The following SGK1 variants were observed in gnomAD, a reference collection of about 807,000 sequenced individuals.
SGK1 encodes the protein serine/threonine-protein kinase Sgk1.
Under a neutral mutation model 64.2 loss-of-function variants are expected in SGK1, and 26 were observed. That is an observed-to-expected ratio of 0.40 (90% CI 0.30 to 0.56). SGK1 has a LOEUF of 0.56. Among genes scored for constraint, SGK1 ranks in the 20% least tolerant of loss-of-function variants. SGK1 has a pLI of 0.38. For missense variants in SGK1, 519 were observed against 645.6 expected (o/e 0.80, Z 2.12); for synonymous variants, 265 against 239.7 (o/e 1.11, Z -0.98).
chr6:134,234,796 A>G (rs2114718061), intron 2 of SGK1, among the ~76,000 whole-genome samples: 1 of 152,342 alleles, frequency 6.6e-6, no homozygotes, highest in Admixed American at 6.5e-5. Flanking sequence ...GAATGGCTTG[A>G]ACCTGGGAGG....
At chr6:134,192,246 TG>T (rs988675927) in intron 3 of SGK1, among the ~76,000 whole-genome samples, 1 of 151,818 alleles carries the variant, frequency 6.6e-6, no homozygotes, top group African/African-American at 2.4e-5. Context: ...ATTACAGGCG[TG>T]GGTCACCATG....
intron 3 of SGK1, among the ~76,000 whole-genome samples, chr6:134,189,242 A>G (rs565097953): frequency 2.0e-5 from 3 of 146,998 alleles, no homozygotes; most frequent in Admixed American, 6.7e-5. Flanking sequence ...GTGCGTGTGC[A>G]TGTGTGTATA....
chr6:134,240,007 G>C (rs147366499), intron 2 of SGK1, among the ~76,000 whole-genome samples: 1 of 152,108 alleles, frequency 6.6e-6, no homozygotes, highest in Non-Finnish European at 1.5e-5. Context: ...GGAGGGAACT[G>C]CAGGCCAGGC....
intron 1 of SGK1, among the ~76,000 whole-genome samples, chr6:134,286,992 CTT>C (rs1045222827): frequency 1.3e-5 from 2 of 151,716 alleles, no homozygotes; most frequent in African/African-American, 4.8e-5. Context: ...TTGGAGAAGT[CTT>C]TTTTTGTTTT....
intron 3 of SGK1, among the ~76,000 whole-genome samples, chr6:134,178,301 G>T (rs879369805): frequency 3.3e-5 from 5 of 152,154 alleles, no homozygotes; most frequent in Non-Finnish European, 7.3e-5. Flanking sequence ...AAGTTGTTGA[G>T]ACTGGCTTTT....
intron 3 of SGK1, chr6:134,175,805 G>T: frequency 7.8e-7 from 1 of 1,288,436 alleles, no homozygotes; most frequent in Non-Finnish European, 9.8e-7. Context: ...GCACGGTCGG[G>T]TCGCTTCCGA....
At chr6:134,228,947 C>T (rs1340038781) in intron 2 of SGK1, among the ~76,000 whole-genome samples, 2 of 151,878 alleles carry the variant, frequency 1.3e-5, no homozygotes, top group African/African-American at 2.4e-5. Flanking sequence ...GGGTTCACGC[C>T]ATTCTCCTGC....
intron 2 of SGK1, among the ~76,000 whole-genome samples, chr6:134,252,325 G>T (rs1469595252): frequency 6.6e-6 from 1 of 152,142 alleles, no homozygotes; most frequent in Non-Finnish European, 1.5e-5. Flanking sequence ...TAGCTTCCTG[G>T]TTATCAGGCT....
intron 2 of SGK1, among the ~76,000 whole-genome samples, chr6:134,218,391 A>G (rs148527776): frequency 6.6e-6 from 1 of 152,024 alleles, no homozygotes; most frequent in African/African-American, 2.4e-5. Flanking sequence ...GAACAGACAG[A>G]CAGATCTTGC....
chr6:134,247,046 C>T (rs1233176601), intron 2 of SGK1, among the ~76,000 whole-genome samples: 3 of 151,754 alleles, frequency 2.0e-5, no homozygotes, highest in Admixed American at 2.0e-4. Flanking sequence ...AAGTAATATG[C>T]CCAGAGACAT....
At chr6:134,295,777 C>G (rs1777339483) in intron 1 of SGK1, among the ~76,000 whole-genome samples, 1 of 151,328 alleles carries the variant, frequency 6.6e-6, no homozygotes, top group Non-Finnish European at 1.5e-5. Context: ...AGGCCAGGAG[C>G]AGGACAGTAG....
chr6:134,272,572 C>G (rs1776956767), intron 1 of SGK1, among the ~76,000 whole-genome samples: 1 of 147,212 alleles, frequency 6.8e-6, no homozygotes. Context: ...AGACTGCAAG[C>G]AAAACATCCT....
intron 2 of SGK1, among the ~76,000 whole-genome samples, chr6:134,223,736 C>T (rs1044917714): frequency 6.6e-6 from 1 of 152,354 alleles, no homozygotes; most frequent in South Asian, 2.1e-4. Flanking sequence ...TCCATTAACA[C>T]TTTAGCCATA....
At position 134,220,852 on chromosome 6, in the gene SGK1, C is replaced by T. The variant is rs529985926; in HGVS notation, c.286-13421G>A. Among the ~76,000 whole-genome samples the T allele has an allele frequency of 1.7e-4, 26 of 151,762 alleles. No homozygotes were observed. In the South Asian group the frequency reaches 5.4e-3, roughly 32 times the overall value. ...CAAAAATTAGTCAGGCATGGTGGCC[C>T]ACGCCTGTAGTTTCGGCTACTCTGG... On this transcript the variant is annotated intron_variant, in intron 2 of 13. Transcript: ENST00000367858.
At chr6:134,300,913 C>T (rs1405280619) in intron 1 of SGK1, among the ~76,000 whole-genome samples, 1 of 151,952 alleles carries the variant, frequency 6.6e-6, no homozygotes, top group African/African-American at 2.4e-5. Flanking sequence ...GGATTACAGG[C>T]GTGAGCCACC....
intron 1 of SGK1, chr6:134,298,166 T>G: frequency 7.4e-7 from 1 of 1,344,546 alleles, no homozygotes; most frequent in Non-Finnish European, 1.1e-6. Context: ...CTCTGTAAGC[T>G]TATTGATCTC....
chr6:134,264,183 G>A (rs779330399), intron 1 of SGK1, among the ~76,000 whole-genome samples: 20 of 150,544 alleles, frequency 1.3e-4, no homozygotes, highest in Admixed American at 1.3e-4. Context: ...ACAGTGGCGC[G>A]ATCTCAGCTC....
At chr6:134,180,846 G>A (rs757752138) in intron 3 of SGK1, among the ~76,000 whole-genome samples, 3 of 149,332 alleles carry the variant, frequency 2.0e-5, no homozygotes, top group African/African-American at 5.0e-5. Context: ...CACTCTCGCC[G>A]GGGCAACAAA....
At chr6:134,214,329 G>A (rs186253730) in intron 2 of SGK1, among the ~76,000 whole-genome samples, 36 of 152,184 alleles carry the variant, frequency 2.4e-4, no homozygotes, top group Admixed American at 1.9e-3. Context: ...TAAGGCTCAC[G>A]CCTGTAATCT....
Sources: allele counts gnomAD v4.1 joint callset (sites outside exome capture counted in the v4.1 genomes callset), GRCh38; gene constraint gnomAD v4.1.1; transcripts MANE v1.5; gene names NCBI Gene and HGNC (gene_info 2026-07-23, HGNC 2026-07-21).